Variants in DCAF5 observed in about 807,000 individuals in gnomAD.
DCAF5 encodes the protein DDB1- and CUL4-associated factor 5.
A neutral mutation model predicts 80.7 loss-of-function variants in DCAF5; 9 were observed. The observed-to-expected ratio is 0.11, with a 90% CI of 0.07 to 0.19. DCAF5 has a LOEUF of 0.19. Ranked by LOEUF, DCAF5 falls within the 10% of genes least tolerant of loss-of-function variation. The pLI is 1.00. For missense variants in DCAF5, 842 were observed against 1,205.7 expected (o/e 0.70, Z 4.47); for synonymous variants, 433 against 461.9 (o/e 0.94, Z 0.80).
rs2038882967 is a variant in DCAF5, at chr14:69,075,940, C to CA, written c.880-530dup. Among the ~76,000 whole-genome samples, 7 of 152,014 alleles carry CA rather than the reference C, an allele frequency of 4.6e-5. No homozygotes were observed. The South Asian group carries it at 1.4e-3, about 31-fold the overall frequency. On this transcript the variant is annotated intron_variant, in intron 6 of 8. Coordinates refer to ENST00000341516, the MANE Select transcript of DCAF5 (RefSeq NM_003861.3). ...GTTAGCTAAAACTCAGCAACGACAACAAAAAATGACCTAATTCAAAAAATT... is the reference window on the plus strand; with the variant it reads ...GTTAGCTAAAACTCAGCAACGACAACAAAAAAATGACCTAATTCAAAAAATT...
chr14:69,056,570 A>G (rs1411519698), intron 8 of DCAF5, among the ~76,000 whole-genome samples: 1 of 152,234 alleles, frequency 6.6e-6, no homozygotes, highest in Non-Finnish European at 1.5e-5. Flanking sequence ...GCCCAGTTAC[A>G]TCAGCCTGTA....
intron 1 of DCAF5, among the ~76,000 whole-genome samples, chr14:69,143,230 G>A (rs2041427505): frequency 6.6e-6 from 1 of 152,162 alleles, no homozygotes; most frequent in Non-Finnish European, 1.5e-5. Context: ...ATAGCATCAA[G>A]AGAGGAGAAT....
chr14:69,122,143 G>A, intron 2 of DCAF5, 74 bp downstream of exon 2: 1 of 1,523,280 alleles, frequency 6.6e-7, no homozygotes, highest in Non-Finnish European at 9.0e-7. Flanking sequence ...AGAAAAATAA[G>A]GAGTTATTTT....
chr14:69,140,600 T>C (rs1272730355), intron 1 of DCAF5, among the ~76,000 whole-genome samples: 1 of 151,634 alleles, frequency 6.6e-6, no homozygotes, highest in Non-Finnish European at 1.5e-5. Context: ...CAAAATCAAC[T>C]CTACAAAGAA....
intron 5 of DCAF5, among the ~76,000 whole-genome samples, chr14:69,094,536 AT>A (rs754140503): frequency 4.6e-5 from 7 of 152,310 alleles, no homozygotes; most frequent in Non-Finnish European, 8.8e-5. Flanking sequence ...TGAAAACTTC[AT>A]GTTTTGTCAC....
At chr14:69,086,734 G>A (rs2039340954) in intron 6 of DCAF5, among the ~76,000 whole-genome samples, 1 of 152,138 alleles carries the variant, frequency 6.6e-6, no homozygotes, top group Admixed American at 6.5e-5. Flanking sequence ...AACCCAGAGA[G>A]GTTGAGTGGT....
rs1467564085 is a variant in DCAF5 at position 69,075,342 on chromosome 14, T to C, written c.946+3A>G. 2 of 1,604,976 alleles carry C rather than the reference T, an allele frequency of 1.2e-6. No individual in the cohort carries two copies. Among genetic ancestry groups the C allele is most frequent in the Non-Finnish European group, 1.7e-6 (2 of 1,173,896 alleles). Reference sequence around the variant, plus strand: ...AGTACATTCATGTGAAGGATATACTTGCCTGCTTCTGGATCTGCAGGAATT... The same window carrying C: ...AGTACATTCATGTGAAGGATATACTCGCCTGCTTCTGGATCTGCAGGAATT... On this transcript the variant is annotated splice_donor_region_variant and intron_variant, in intron 7 of 8. Coordinates refer to ENST00000341516, the MANE Select transcript of DCAF5 (RefSeq NM_003861.3).
chr14:69,126,956 G>C (rs913370424), intron 1 of DCAF5, among the ~76,000 whole-genome samples: 4 of 152,164 alleles, frequency 2.6e-5, no homozygotes, highest in African/African-American at 9.7e-5. Context: ...AAAACTCCTA[G>C]AAGATAGTAG....
At chr14:69,098,200 G>T (rs1319072017) in intron 5 of DCAF5, among the ~76,000 whole-genome samples, 3 of 152,028 alleles carry the variant, frequency 2.0e-5, no homozygotes, top group Non-Finnish European at 4.4e-5. Context: ...CCTAGAACAT[G>T]CCAGGCATGC....
At chr14:69,066,638 G>T (rs1005150593) in intron 7 of DCAF5, among the ~76,000 whole-genome samples, 4 of 152,136 alleles carry the variant, frequency 2.6e-5, no homozygotes, top group Non-Finnish European at 5.9e-5. Context: ...GGGGACCCCA[G>T]GATCCCAGGG....
At chr14:69,109,626 T>G (rs932496744) in intron 5 of DCAF5, among the ~76,000 whole-genome samples, 1 of 152,230 alleles carries the variant, frequency 6.6e-6, no homozygotes, top group Non-Finnish European at 1.5e-5. Context: ...GATTCATCCA[T>G]GTCAATGTGT....
At chr14:69,072,546 T>G (rs148381594) in intron 7 of DCAF5, among the ~76,000 whole-genome samples, 119 of 149,008 alleles carry the variant, frequency 8.0e-4, no homozygotes, top group Non-Finnish European at 1.3e-3. Flanking sequence ...AGCTCAAGGC[T>G]GTATGCAGTA....
In DCAF5 at chr14:69,054,508, T is replaced by G. The variant is rs200580853; in HGVS notation, c.2178A>C (p.Glu726Asp). Residue 726 changes from glutamate to aspartate, a missense_variant, in exon 9 of 9, where the codon GAA becomes GAC. Glu to Asp is a conservative substitution (Grantham distance 45). Around this residue, in one of 5 missense-constraint regions of DCAF5, gnomAD observed 607 missense variants for 656.6 expected, o/e 0.92. Transcript: ENST00000341516. ...CTTTAAAAGTGTCCTTGCTGCAGCC[T>G]TCAGGTGGCAGGTCCTGGTTCCTCT... ...MAQRNQDLPP[E>D]GCSKDTFKEE... 1.9e-6 allele frequency: 3 copies of G among 1,614,172 alleles called. No homozygotes were observed. The highest frequency in any genetic ancestry group is 2.5e-6 in the Non-Finnish European group (3 of 1,180,020).
chr14:69,152,959 A>G lies in DCAF5; in HGVS notation c.20T>C (p.Leu7Pro), dbSNP rs1168588179. 6.2e-7 allele frequency: 1 copy of G among 1,608,292 alleles called. No homozygotes were observed. Among genetic ancestry groups the G allele is most frequent in the Non-Finnish European group, 8.5e-7 (1 of 1,178,282 alleles). The change falls in exon 1 of 9, where the codon CTG becomes CCG. Residue 7 changes from leucine (L) to proline (P), a missense_variant. This residue lies in a region of DCAF5 where 28 missense variants were observed against 28.7 expected (regional missense o/e 0.98). Coordinates refer to ENST00000341516, the MANE Select transcript of DCAF5 (RefSeq NM_003861.3). This position sits in a 1 kb window ranked among gnomAD's most constrained non-coding sequence, Gnocchi z 4.1. MKRRAGLGGSMRSVVGF... is the reference protein window; with the variant it reads MKRRAGPGGSMRSVVGF... The stretch of plus-strand genomic sequence containing the variant: ...CACCACTGACCTCATGCTGCCCCCC[A>G]GGCCAGCTCTCCTCTTCATGCTGGA...
At position 69,118,979 on chromosome 14, in the gene DCAF5, C is replaced by T; in HGVS notation, c.395+215G>A. The T allele has an allele frequency of 1.8e-6, 1 of 546,732 alleles. No individual in the cohort carries two copies. The highest frequency in any genetic ancestry group is 3.2e-6 in the Non-Finnish European group (1 of 314,926). 33.9% of individuals were successfully genotyped at this position (546,732 alleles called of 1,614,324 possible). On this transcript the variant is annotated intron_variant, in intron 3 of 8. Coordinates refer to ENST00000341516, the MANE Select transcript of DCAF5 (RefSeq NM_003861.3). The surrounding 1 kb of genome is among the most constrained non-coding windows in gnomAD (Gnocchi z 4.0). ...TAAATTTTCACCTAAAAAGTACACT[C>T]TCATACCAACTTTCAAAACTTTCAA...
At position 69,118,403 on chromosome 14, in the gene DCAF5, C is replaced by T. The variant is rs949495822; in HGVS notation, c.396-125G>A. The T allele has an allele frequency of 6.4e-6, 6 of 944,382 alleles. No individual in the cohort carries two copies. Among genetic ancestry groups the T allele is most frequent in the Non-Finnish European group, 8.9e-6 (6 of 672,056 alleles). The allele number at this position is 944,382 out of a possible 1,614,324, so 58.5% of individuals were successfully genotyped here. On this transcript the variant is annotated intron_variant, in intron 3 of 8. Transcript: ENST00000341516. This position sits in a 1 kb window ranked among gnomAD's most constrained non-coding sequence, Gnocchi z 4.0. The stretch of plus-strand genomic sequence containing the variant: ...AGAAGAAAGTCAACCTAGCTAAACC[C>T]AAAAAATATTATATTTCCTGAAAGG...
At chr14:69,128,927 G>A (rs2040957235) in intron 1 of DCAF5, among the ~76,000 whole-genome samples, 1 of 151,932 alleles carries the variant, frequency 6.6e-6, no homozygotes, top group African/African-American at 2.4e-5. Flanking sequence ...AGACCAGCCT[G>A]GGCAACATAG....
rs1190017972 is a variant in DCAF5 at position 69,148,164 on chromosome 14, A to G, written c.214+4601T>C. 3.3e-5 allele frequency among the ~76,000 whole-genome samples: 5 copies of G among 152,248 alleles called. No homozygotes were observed. The East Asian group carries it at 7.7e-4, about 24-fold the overall frequency. On this transcript the variant is annotated intron_variant, in intron 1 of 8. Transcript: ENST00000341516. ...AAGGACCCCATTCTAAGAAAAAGGA[A>G]AAGCATAAGAGGAGGCAATGAGAGC...
At chr14:69,084,460 G>A in intron 6 of DCAF5, 3 of 809,700 alleles carry the variant, frequency 3.7e-6, no homozygotes, top group East Asian at 2.4e-5. Context: ...GACAGACGAT[G>A]CTCTTTTCTG....
Sources: allele counts gnomAD v4.1 joint callset (sites outside exome capture counted in the v4.1 genomes callset), GRCh38; gene constraint gnomAD v4.1.1; regional missense constraint gnomAD v4.1.1; non-coding constraint Gnocchi (gnomAD v3.1); transcripts MANE v1.5; gene names NCBI Gene and HGNC (gene_info 2026-07-23, HGNC 2026-07-21).